Variants in USP11 observed in about 807,000 individuals in gnomAD.
The protein encoded by USP11 is ubiquitin carboxyl-terminal hydrolase 11.
A neutral mutation model predicts 72.8 loss-of-function variants in USP11; 5 were observed. The observed-to-expected ratio is 0.07, with a 90% confidence interval of 0.04 to 0.14. USP11 has a LOEUF of 0.14. Ranked by LOEUF, USP11 falls within the 10% of genes least tolerant of loss-of-function variation. The probability of loss-of-function intolerance (pLI) is 1.00; values close to 1 mark genes in which losing one functional copy is unlikely to be tolerated. For missense variants in USP11, 480 were observed against 794.7 expected, an observed-to-expected ratio of 0.60 and a Z score of 4.76; for synonymous variants, 368 against 326.5, an observed-to-expected ratio of 1.13 and a Z score of -1.37.
chrX:47,236,916 T>G (rs1449426640), intron 1 of USP11, among the ~76,000 whole-genome samples: 1 of 112,132 alleles, frequency 8.9e-6, no homozygotes, highest in East Asian at 2.8e-4. Context: ...TGACAGAGAT[T>G]GTGAGACATC....
chrX:47,245,246 T>G, intron 16 of USP11, 124 bp from the exon 17 acceptor site: 1 of 911,734 alleles, frequency 1.1e-6, no homozygotes, highest in Non-Finnish European at 1.5e-6. Flanking sequence ...GGGCCTGAGG[T>G]TCCTAGCTTC....
In USP11 at chrX:47,240,782, A is replaced by G; in HGVS notation, c.752A>G (p.Asn251Ser). The G allele has an allele frequency of 1.7e-6, 2 of 1,211,561 alleles. No individual in the cohort carries two copies. The highest frequency in any genetic ancestry group is 2.2e-6 in the Non-Finnish European group (2 of 895,292). Residue 251 changes from asparagine to serine, a missense_variant, in exon 7 of 21, where the codon AAC (asparagine) becomes AGC (serine). Transcript: ENST00000377107. ...TTCTCATCTAACCCCAGGAACAACA[A>G]CATGTCGGAAGAGGATGAGGACTTC... is the stretch of plus-strand genomic sequence containing the variant. ...PSAQLHVMNN[N>S]MSEEDEDFKG...
chrX:47,241,178 G>T, intron 7 of USP11, 99 bp from the exon 8 acceptor site: 2 of 935,880 alleles, frequency 2.1e-6, no homozygotes, highest in Admixed American at 6.6e-5. Flanking sequence ...CTTCTCTCTT[G>T]TTTTCCTCTC....
chrX:47,238,842 A>G (rs1228292391), intron 1 of USP11, among the ~76,000 whole-genome samples: 1 of 111,868 alleles, frequency 8.9e-6, no homozygotes, highest in Admixed American at 9.5e-5. Context: ...ATTGTTAACC[A>G]CATTTTCTGT....
intron 17 of USP11, among the ~76,000 whole-genome samples, chrX:47,246,680 A>G (rs1000617503): frequency 2.7e-5 from 3 of 110,753 alleles, no homozygotes; most frequent in African/African-American, 9.8e-5. Context: ...TGAGCCAGAC[A>G]TGGCACGTGA....
Position 47,247,426 on chromosome X carries a change from G to A in USP11, c.2536+7G>A. The A allele has an allele frequency of 8.3e-7, 1 of 1,209,353 alleles. No homozygotes were observed. Among genetic ancestry groups the A allele is most frequent in the African/African-American group, 1.7e-5 (1 of 57,563 alleles). On this transcript the variant is annotated splice_region_variant and intron_variant, in intron 19 of 20. Coordinates refer to ENST00000377107, the MANE Select transcript of USP11 (RefSeq NM_001371072.1). ...GGCATGCGTGATGGACACTGTATGT[G>A]CCAGGCTGTGGGTGGGGCCTGCCCT...
In USP11 at chrX:47,248,276, C is replaced by T; in HGVS notation, c.*346C>T. ...CACAGAGTGTATTTTCTTATTGAGG[C>T]CCTGTACCTTCTGCTGTGTGTGTGT... On this transcript the variant is annotated 3_prime_UTR_variant, in exon 21 of 21. Coordinates refer to ENST00000377107, the MANE Select transcript of USP11 (RefSeq NM_001371072.1). 1 of 215,384 alleles carries T rather than the reference C, an allele frequency of 4.6e-6. No individual in the cohort carries two copies. Among genetic ancestry groups the T allele is most frequent in the Non-Finnish European group, 8.2e-6 (1 of 121,223 alleles). 17.8% of individuals were successfully genotyped at this position (215,384 alleles called of 1,213,427 possible). A position where few individuals can be genotyped will look rare whatever the true frequency, so the allele number is the denominator to read the frequency against.
chrX:47,239,718 C>G (rs912900882), intron 3 of USP11, 72 bp from the exon 4 acceptor site: 1 of 1,077,600 alleles, frequency 9.3e-7, no homozygotes, highest in Non-Finnish European at 1.3e-6. Context: ...AGTGTGTGCT[C>G]CTCTCATTTG....
rs1602718039 is a variant in USP11 at position 47,247,947 on chromosome X, C to CA, written c.*18dup. On this transcript the variant is annotated 3_prime_UTR_variant, in exon 21 of 21. Transcript: ENST00000377107. ...GTTAATTGAGAGCCCTGGGTCCTGCCACAGAAAAAAAAAAAAAAAAGCCCT... is the reference window on the plus strand; with the variant it reads ...GTTAATTGAGAGCCCTGGGTCCTGCCAACAGAAAAAAAAAAAAAAAAGCCCT... 1 of 1,126,572 alleles carries CA rather than the reference C, an allele frequency of 8.9e-7. No individual in the cohort carries two copies. Among genetic ancestry groups the CA allele is most frequent in the Middle Eastern group, 2.5e-4 (1 of 3,985 alleles). The allele number at this position is 1,126,572 out of a possible 1,213,427, so 92.8% of individuals were successfully genotyped here. A position where few individuals can be genotyped will look rare whatever the true frequency, so the allele number is the denominator to read the frequency against.
At chrX:47,236,623 A>G (rs1030097154) in intron 1 of USP11, among the ~76,000 whole-genome samples, 1 of 112,439 alleles carries the variant, frequency 8.9e-6, no homozygotes, top group Non-Finnish European at 1.9e-5. Context: ...AATCAGACAC[A>G]AGAGAAAACT....
intron 17 of USP11, 120 bp from the exon 18 acceptor site, chrX:47,246,952 T>A: frequency 3.2e-6 from 3 of 927,657 alleles, no homozygotes. Context: ...ACCCAGGAGG[T>A]GGAGGCTGCA....
At chrX:47,237,778 G>A (rs1439741413) in intron 1 of USP11, among the ~76,000 whole-genome samples, 7 of 27,346 alleles carry the variant, frequency 2.6e-4, no homozygotes, top group African/African-American at 5.1e-4. Flanking sequence ...CAGAACAGGT[G>A]TGTGTGTATG....
In USP11 at chrX:47,239,129, A is replaced by G. The variant is rs754970499; in HGVS notation, c.236A>G (p.Gln79Arg). The part of the protein sequence containing the change: ...QWEAYVQGGD[Q>R]DSSTFPGCIN... ...GAGGCATACGTGCAGGGAGGGGACC[A>G]GGACTCCAGCACCTTCCCTGGCTGC... is the stretch of plus-strand genomic sequence containing the variant. Residue 79 changes from glutamine (Q) to arginine (R), a missense_variant, in exon 2 of 21, where the codon CAG becomes CGG. Around this residue, in one of 5 missense-constraint regions of USP11, gnomAD observed 71 missense variants for 71.4 expected, o/e 0.99. Coordinates refer to ENST00000377107, the MANE Select transcript of USP11 (RefSeq NM_001371072.1). The G allele has an allele frequency of 2.1e-5, 25 of 1,210,027 alleles. No individual in the cohort carries two copies. Among genetic ancestry groups the G allele is most frequent in the Non-Finnish European group, 2.8e-5 (25 of 894,835 alleles).
At chrX:47,234,855 A>G (rs955014448) in intron 1 of USP11, among the ~76,000 whole-genome samples, 1 of 112,031 alleles carries the variant, frequency 8.9e-6, no homozygotes, top group Non-Finnish European at 1.9e-5. Flanking sequence ...CACTCTAAAT[A>G]TATGCAATTT....
At chrX:47,236,054 A>G (rs1412688952) in intron 1 of USP11, among the ~76,000 whole-genome samples, 2 of 111,533 alleles carry the variant, frequency 1.8e-5, no homozygotes, top group Admixed American at 1.9e-4. Context: ...GGGATGATGA[A>G]ATATTTTGGA....
chrX:47,237,776 G>GT (rs1461984938), intron 1 of USP11, among the ~76,000 whole-genome samples: 1 of 28,096 alleles, frequency 3.6e-5, no homozygotes, highest in African/African-American at 9.2e-5. Context: ...AGCAGAACAG[G>GT]TGTGTGTGTA....
At position 47,239,391 on chromosome X, in the gene USP11, C is replaced by A. The variant is rs763590095; in HGVS notation, c.327C>A (p.Gly109=). 1.7e-6 allele frequency: 2 copies of A among 1,209,742 alleles called. No individual in the cohort carries two copies. The highest frequency in any genetic ancestry group is 4.4e-5 in the Admixed American group (2 of 45,797). ...NWRLKEGLVE[G]EDYVLLPAAA... ...GCCTCAAGGAGGGACTGGTGGAAGG[C>A]GAGGATTATGTGCTGCTCCCAGCAG... The change falls in exon 3 of 21, where the codon GGC becomes GGA. Residue 109 remains glycine, a synonymous_variant. Transcript: ENST00000377107.
In USP11 at chrX:47,242,241, A is replaced by T; in HGVS notation, c.1339A>T (p.Ile447Phe). Residue 447 changes from isoleucine to phenylalanine, a missense_variant, in exon 10 of 21, where the codon ATC becomes TTC. This residue lies in a region of USP11 where 314 missense variants were observed against 556.0 expected (regional missense o/e 0.56). Coordinates refer to ENST00000377107, the MANE Select transcript of USP11 (RefSeq NM_001371072.1). ...PFCYLSVPLP[I>F]SHKRVLEVFF... ...CTGCTACCTCAGTGTTCCACTGCCT[A>T]TCAGCCACAAGAGGGTCTTGGAGGT... The T allele has an allele frequency of 8.3e-7, 1 of 1,211,718 alleles. No homozygotes were observed. Among genetic ancestry groups the T allele is most frequent in the South Asian group, 1.8e-5 (1 of 56,915 alleles).
intron 13 of USP11, 146 bp downstream of exon 13, chrX:47,243,748 C>G (rs998465937): frequency 1.7e-6 from 1 of 600,704 alleles, no homozygotes; most frequent in African/African-American, 2.3e-5. Context: ...AGGGTTTTTT[C>G]TTTCTCTAGA....
Sources: allele counts gnomAD v4.1 joint callset (sites outside exome capture counted in the v4.1 genomes callset), GRCh38; gene constraint gnomAD v4.1.1; regional missense constraint gnomAD v4.1.1; transcripts MANE v1.5; gene names NCBI Gene and HGNC (gene_info 2026-07-23, HGNC 2026-07-21).